Variants in CACNA2D1 observed in about 807,000 individuals in gnomAD.
CACNA2D1 encodes voltage-dependent calcium channel subunit alpha-2/delta-1.
Under a neutral mutation model 171.5 loss-of-function variants are expected in CACNA2D1, and 53 were observed. The ratio of observed to expected loss-of-function variants is 0.31; its 90% confidence interval spans 0.25 to 0.39. The LOEUF (loss-of-function observed/expected upper bound fraction) is 0.39. CACNA2D1 is among the 10% of genes least tolerant of loss of function. CACNA2D1 has a pLI of 1.00. For synonymous variants in CACNA2D1, 442 were observed against 443.1 expected (o/e 1.00, Z 0.03); for missense variants, 903 against 1,299.8 (o/e 0.69, Z 4.69).
intron 1 of CACNA2D1, among the ~76,000 whole-genome samples, chr7:82,409,909 A>G (rs1328108878): frequency 1.3e-5 from 2 of 152,230 alleles, no homozygotes. Flanking sequence ...GGTATAGCCT[A>G]CTGCTCCTAG....
At position 82,134,507 on chromosome 7, in the gene CACNA2D1, A is replaced by G. The variant is rs989160339; in HGVS notation, c.396+2128T>C. Among the ~76,000 whole-genome samples, 5 of 152,316 alleles carry G rather than the reference A, an allele frequency of 3.3e-5. No individual in the cohort carries two copies. In the South Asian group the frequency reaches 1.0e-3, roughly 32 times the overall value. On this transcript the variant is annotated intron_variant, in intron 5 of 38. Coordinates refer to ENST00000356860, the MANE Select transcript of CACNA2D1 (RefSeq NM_000722.4). ...TTATTCTGATAACGTTATTGTTTGT[A>G]TATAAAGCAATTGAGTTTTCTTCAA...
intron 3 of CACNA2D1, among the ~76,000 whole-genome samples, chr7:82,177,152 T>C (rs1376224550): frequency 1.5e-5 from 2 of 137,810 alleles, no homozygotes; most frequent in African/African-American, 2.7e-5. Flanking sequence ...AGCACAGAAA[T>C]AGTCTCGAGC....
chr7:82,399,300 C>A (rs1370200648), intron 1 of CACNA2D1, among the ~76,000 whole-genome samples: 2 of 151,916 alleles, frequency 1.3e-5, no homozygotes, highest in Non-Finnish European at 2.9e-5. Flanking sequence ...ATTAGCCAGG[C>A]GTGGTGGGGG....
At chr7:82,363,509 C>T (rs2129447467) in intron 1 of CACNA2D1, among the ~76,000 whole-genome samples, 1 of 152,114 alleles carries the variant, frequency 6.6e-6, no homozygotes, top group East Asian at 1.9e-4. Flanking sequence ...TCTTGATCCA[C>T]CAGCCTCGGC....
intron 12 of CACNA2D1, among the ~76,000 whole-genome samples, chr7:82,016,575 A>G (rs950250954): frequency 6.0e-5 from 9 of 148,958 alleles, no homozygotes; most frequent in South Asian, 4.3e-4. Context: ...GACTGATGTT[A>G]TCATTCAAAT....
At chr7:81,991,428 GAAAC>G (rs1167766458) in intron 20 of CACNA2D1, among the ~76,000 whole-genome samples, 182 bp from the exon 21 acceptor site, 1 of 151,986 alleles carries the variant, frequency 6.6e-6, no homozygotes, top group African/African-American at 2.4e-5. Context: ...ATTTTTGACA[GAAAC>G]AAATGTAAGT....
chr7:82,163,638 T>C (rs1795160837), intron 4 of CACNA2D1, among the ~76,000 whole-genome samples: 1 of 152,048 alleles, frequency 6.6e-6, no homozygotes, highest in Non-Finnish European at 1.5e-5. Flanking sequence ...GCTTCAGGTC[T>C]CTTATTAAAA....
intron 1 of CACNA2D1, among the ~76,000 whole-genome samples, chr7:82,364,637 T>C (rs1255779690): frequency 6.6e-6 from 1 of 152,232 alleles, no homozygotes; most frequent in Non-Finnish European, 1.5e-5. Context: ...AATCTTATTC[T>C]TGACCCTCCC....
chr7:82,382,692 A>G (rs1361702518), intron 1 of CACNA2D1, among the ~76,000 whole-genome samples: 1 of 152,212 alleles, frequency 6.6e-6, no homozygotes, highest in Non-Finnish European at 1.5e-5. Context: ...CACCTCCTCC[A>G]TAATGCGCTT....
intron 3 of CACNA2D1, among the ~76,000 whole-genome samples, chr7:82,234,428 A>G (rs1585176176): frequency 1.3e-5 from 2 of 151,806 alleles, no homozygotes; most frequent in South Asian, 4.2e-4. Context: ...GTAATTATGC[A>G]GATGTTATTC....
At chr7:81,980,934 A>G (rs889156237) in intron 24 of CACNA2D1, among the ~76,000 whole-genome samples, 3 of 152,230 alleles carry the variant, frequency 2.0e-5, no homozygotes, top group African/African-American at 7.2e-5. Context: ...ACAATTATTT[A>G]TAAGATGCTA....
At chr7:82,323,030 T>C (rs1816187682) in intron 3 of CACNA2D1, among the ~76,000 whole-genome samples, 1 of 152,190 alleles carries the variant, frequency 6.6e-6, no homozygotes, top group South Asian at 2.1e-4. Context: ...AACACCACTT[T>C]TAGTCCAACT....
intron 1 of CACNA2D1, among the ~76,000 whole-genome samples, chr7:82,440,269 T>C (rs954273204): frequency 1.3e-5 from 2 of 151,904 alleles, no homozygotes; most frequent in African/African-American, 4.8e-5. Context: ...GTTATAACTA[T>C]ATATTTTTTA....
intron 4 of CACNA2D1, among the ~76,000 whole-genome samples, chr7:82,141,490 CT>C (rs1296492626): frequency 1.3e-5 from 2 of 152,120 alleles, no homozygotes; most frequent in East Asian, 1.9e-4. Context: ...CCCACTTAGA[CT>C]TTGTACAGGG....
chr7:82,387,583 T>C (rs1361018000), intron 1 of CACNA2D1, among the ~76,000 whole-genome samples: 1 of 151,636 alleles, frequency 6.6e-6, no homozygotes, highest in East Asian at 1.9e-4. Context: ...GATATGATGT[T>C]CTAACAATGA....
At chr7:81,981,100 G>A (rs980908389) in intron 24 of CACNA2D1, among the ~76,000 whole-genome samples, 1 of 152,100 alleles carries the variant, frequency 6.6e-6, no homozygotes, top group Non-Finnish European at 1.5e-5. Flanking sequence ...GATATTTATG[G>A]CCATCATATA....
intron 1 of CACNA2D1, among the ~76,000 whole-genome samples, chr7:82,388,790 A>C (rs999936716): frequency 6.6e-6 from 1 of 152,204 alleles, no homozygotes; most frequent in Non-Finnish European, 1.5e-5. Context: ...TTTCCAGAAC[A>C]AAATGAAAAG....
chr7:82,110,396 C>T (rs1788234275), intron 6 of CACNA2D1, among the ~76,000 whole-genome samples: 2 of 152,148 alleles, frequency 1.3e-5, no homozygotes, highest in African/African-American at 2.4e-5. Flanking sequence ...TGTGAGGACA[C>T]ACTGAGAAGA....
At chr7:82,171,068 A>G (rs2129148855) in intron 3 of CACNA2D1, among the ~76,000 whole-genome samples, 1 of 152,208 alleles carries the variant, frequency 6.6e-6, no homozygotes, top group Non-Finnish European at 1.5e-5. Flanking sequence ...TTTTTACCAA[A>G]AGCCACAAAA....
Sources: allele counts gnomAD v4.1 joint callset (sites outside exome capture counted in the v4.1 genomes callset), GRCh38; gene constraint gnomAD v4.1.1; transcripts MANE v1.5; gene names NCBI Gene and HGNC (gene_info 2026-07-23, HGNC 2026-07-21).